The following FGGY variants were observed in gnomAD, a reference collection of about 807,000 sequenced individuals.
FGGY encodes the protein FGGY carbohydrate kinase domain-containing protein.
A neutral mutation model predicts 71.3 loss-of-function variants in FGGY; 72 were observed. That is an observed-to-expected ratio of 1.01 (90% CI 0.84 to 1.23). The LOEUF is 1.23. Ranked by LOEUF, FGGY falls within the 50% of genes most tolerant of loss-of-function variation. FGGY has a pLI of 0.00. For missense variants in FGGY, 668 were observed against 682.3 expected (o/e 0.98, Z 0.23); for synonymous variants, 251 against 250.3 (o/e 1.00, Z -0.02).
intron 8 of FGGY, among the ~76,000 whole-genome samples, chr1:59,601,198 C>A (rs964167468): frequency 6.6e-6 from 1 of 152,142 alleles, no homozygotes; most frequent in Non-Finnish European, 1.5e-5. Context: ...CCTCCCAGGA[C>A]GACTGGCGCC....
At chr1:59,492,445 T>A (rs1162090983) in intron 6 of FGGY, among the ~76,000 whole-genome samples, 1 of 152,158 alleles carries the variant, frequency 6.6e-6, no homozygotes, top group Non-Finnish European at 1.5e-5. Flanking sequence ...CCTCTGCCAG[T>A]ATTTTTGGAT....
At chr1:59,580,728 C>G (rs2096177884) in intron 8 of FGGY, among the ~76,000 whole-genome samples, 1 of 152,170 alleles carries the variant, frequency 6.6e-6, no homozygotes. Context: ...TTCAATCCCT[C>G]TATTCTACCG....
At chr1:59,603,850 A>G (rs2096599463) in intron 8 of FGGY, among the ~76,000 whole-genome samples, 1 of 152,232 alleles carries the variant, frequency 6.6e-6, no homozygotes. Flanking sequence ...TTCAAAACAG[A>G]TGAAAGACTC....
At chr1:59,682,735 G>C (rs1190693094) in intron 14 of FGGY, among the ~76,000 whole-genome samples, 2 of 152,210 alleles carry the variant, frequency 1.3e-5, no homozygotes, top group African/African-American at 4.8e-5. Context: ...GCTCAGAGGA[G>C]GGTGGGAAGG....
At chr1:59,362,932 T>G (rs931375449) in intron 4 of FGGY, among the ~76,000 whole-genome samples, 3 of 152,194 alleles carry the variant, frequency 2.0e-5, no homozygotes, top group Non-Finnish European at 4.4e-5. Flanking sequence ...ACAGACCATT[T>G]TTTTGCAAAG....
chr1:59,667,328 T>A lies in FGGY; in HGVS notation c.1342T>A (p.Ser448Thr), dbSNP rs759565820. ...AGAAGCCATGGAGGCAGCAGGGCACTCAATCAGTACTCTTTTCCTATGTGG... is the reference window on the plus strand; with the variant it reads ...AGAAGCCATGGAGGCAGCAGGGCACACAATCAGTACTCTTTTCCTATGTGG... ...IIEAMEAAGH[S>T]ISTLFLCGGL... Residue 448 changes from serine (S) to threonine (T), a missense_variant, in exon 13 of 16, where the codon TCA becomes ACA. Around this residue, in one of 2 missense-constraint regions of FGGY, gnomAD observed 661 missense variants for 661.6 expected, o/e 1.00. Coordinates refer to ENST00000303721, the MANE Select transcript of FGGY (RefSeq NM_018291.5). 1.2e-6 allele frequency: 2 copies of A among 1,614,176 alleles called. No homozygotes were observed. The highest frequency in any genetic ancestry group is 1.7e-6 in the Non-Finnish European group (2 of 1,180,004).
At chr1:59,440,185 G>A (rs926348044) in intron 5 of FGGY, among the ~76,000 whole-genome samples, 4 of 149,022 alleles carry the variant, frequency 2.7e-5, no homozygotes, top group South Asian at 2.1e-4. Flanking sequence ...TTTTAAATAA[G>A]CCCTAAGAGT....
At chr1:59,635,420 A>G (rs1204196594) in intron 10 of FGGY, among the ~76,000 whole-genome samples, 5 of 152,200 alleles carry the variant, frequency 3.3e-5, no homozygotes, top group African/African-American at 9.7e-5. Context: ...GACCTGCAGT[A>G]AATGAGACAA....
chr1:59,504,394 C>T (rs1361815623), intron 6 of FGGY, among the ~76,000 whole-genome samples: 1 of 152,168 alleles, frequency 6.6e-6, no homozygotes, highest in Non-Finnish European at 1.5e-5. Flanking sequence ...TTGGACTTGC[C>T]ACTGGTGTCT....
rs60160244 is a variant in FGGY, at chr1:59,360,127, G to GTTGTTATTATTA, written c.465+13731_465+13732insGTTATTATTATT. On this transcript the variant is annotated intron_variant, in intron 4 of 15. Transcript: ENST00000303721. Reference sequence around the variant, plus strand: ...ATAAGAACTTTATTTTTCTATCATTGTTATTATTATTATTATTATTATTAT... The same window carrying GTTGTTATTATTA: ...ATAAGAACTTTATTTTTCTATCATTGTTGTTATTATTATTATTATTATTATTATTATTATTAT... Among the ~76,000 whole-genome samples the GTTGTTATTATTA allele has an allele frequency of 7.1e-3, 1,037 of 145,706 alleles. 9 individuals carry two copies. The highest frequency in any genetic ancestry group is 0.026 in the African/African-American group (987 of 38,400).
intron 4 of FGGY, among the ~76,000 whole-genome samples, chr1:59,369,939 G>A (rs1244999382): frequency 6.6e-6 from 1 of 152,200 alleles, no homozygotes; most frequent in Admixed American, 6.5e-5. Context: ...AAGACCAAAA[G>A]TAGATAAAAC....
chr1:59,580,256 A>C (rs1053790526), intron 8 of FGGY, among the ~76,000 whole-genome samples: 1 of 152,118 alleles, frequency 6.6e-6, no homozygotes, highest in African/African-American at 2.4e-5. Context: ...TCACCACTGA[A>C]TCCCCAGCCC....
At chr1:59,759,399 G>A (rs1574102746) in intron 15 of FGGY, among the ~76,000 whole-genome samples, 1 of 152,346 alleles carries the variant, frequency 6.6e-6, no homozygotes, top group East Asian at 1.9e-4. Flanking sequence ...GGCAGTAGGA[G>A]CTATGGGCTG....
intron 6 of FGGY, among the ~76,000 whole-genome samples, chr1:59,482,612 ATGTG>A (rs146094657): frequency 6.8e-6 from 1 of 147,676 alleles, no homozygotes; most frequent in Non-Finnish European, 1.5e-5. Context: ...ATATATACAT[ATGTG>A]TGTGTGTGTG....
chr1:59,538,814 G>T (rs1054861814), intron 7 of FGGY, among the ~76,000 whole-genome samples: 1 of 133,826 alleles, frequency 7.5e-6, no homozygotes, highest in Admixed American at 8.4e-5. Context: ...ATGGACACAG[G>T]AAGGGGAACA....
chr1:59,645,447 C>A (rs1237747471), intron 11 of FGGY, among the ~76,000 whole-genome samples: 1 of 152,202 alleles, frequency 6.6e-6, no homozygotes, highest in African/African-American at 2.4e-5. Flanking sequence ...CCAGCCCAAA[C>A]AACCAGCCAG....
chr1:59,318,985 A>G (rs981925285), intron 1 of FGGY, among the ~76,000 whole-genome samples: 1 of 152,234 alleles, frequency 6.6e-6, no homozygotes, highest in African/African-American at 2.4e-5. Flanking sequence ...TGCAGCTAAT[A>G]AAATTGAGGA....
intron 14 of FGGY, among the ~76,000 whole-genome samples, chr1:59,690,024 T>C (rs1239022088): frequency 1.3e-5 from 2 of 152,216 alleles, no homozygotes; most frequent in Non-Finnish European, 2.9e-5. Flanking sequence ...CAAACCAGAC[T>C]GGTTTGGATA....
At chr1:59,660,317 T>C in intron 12 of FGGY, 24 bp downstream of exon 12, 1 of 1,598,286 alleles carries the variant, frequency 6.3e-7, no homozygotes, top group Non-Finnish European at 8.6e-7. Flanking sequence ...ATGCCATTTT[T>C]AAAGAGACTT....
Sources: gnomAD v4.1 joint callset for allele counts (sites outside exome capture counted in the v4.1 genomes callset) on GRCh38, gnomAD v4.1.1 for gene constraint, gnomAD v4.1.1 regional missense constraint, MANE v1.5 for transcripts, NCBI Gene and HGNC (gene_info 2026-07-23, HGNC 2026-07-21) for gene names.